U2SURP: variants seen among roughly 807,000 people sequenced by gnomAD.
The protein encoded by U2SURP is U2 snRNP associated SURP domain containing.
In U2SURP, 9 loss-of-function variants were observed where a neutral mutation model predicts 144.9. The ratio of observed to expected loss-of-function variants is 0.06; its 90% CI spans 0.04 to 0.11. The LOEUF (loss-of-function observed/expected upper bound fraction) is 0.11. U2SURP is among the 10% of genes least tolerant of loss of function. The pLI is 1.00. For synonymous variants in U2SURP, 408 were observed against 396.8 expected (o/e 1.03, Z -0.33); for missense variants, 724 against 1,226.7 (o/e 0.59, Z 6.12).
chr3:143,045,221 T>C (rs1389006292), intron 24 of U2SURP, among the ~76,000 whole-genome samples: 2 of 151,932 alleles, frequency 1.3e-5, no homozygotes, highest in Non-Finnish European at 2.9e-5. Flanking sequence ...ATACAAAAAT[T>C]AGCCGGGCAT....
At chr3:143,033,126 G>T (rs1933598535) in intron 17 of U2SURP, 145 bp from the exon 18 acceptor site, 1 of 839,866 alleles carries the variant, frequency 1.2e-6, no homozygotes, top group Non-Finnish European at 1.8e-6. Context: ...AAATGTAAAT[G>T]GGTTAACAAA....
intron 1 of U2SURP, among the ~76,000 whole-genome samples, chr3:143,001,983 T>C (rs1935555989): frequency 6.6e-6 from 1 of 152,236 alleles, no homozygotes; most frequent in Non-Finnish European, 1.5e-5. Flanking sequence ...CTCTCCTGTA[T>C]CTCAGCTTCC....
rs1219291584 is a variant in U2SURP, at chr3:143,012,311, C to T, written c.180C>T (p.Ala60=). 6.2e-7 allele frequency: 1 copy of T among 1,612,688 alleles called. No individual in the cohort carries two copies. Among genetic ancestry groups the T allele is most frequent in the Non-Finnish European group, 8.5e-7 (1 of 1,179,274 alleles). ...PRKHNYRNES[A]RESLCDSPHQ... ...AACATAATTATAGGAATGAAAGTGC[C>T]CGTGAAAGCCTTTGTGATTCTCCTC... Residue 60 remains alanine (A), a synonymous_variant, in exon 3 of 28, where the codon GCC becomes GCT. Coordinates refer to ENST00000473835, the MANE Select transcript of U2SURP (RefSeq NM_001080415.2).
intron 16 of U2SURP, among the ~76,000 whole-genome samples, chr3:143,031,817 A>C (rs1031352719): frequency 6.6e-6 from 1 of 152,196 alleles, no homozygotes; most frequent in Non-Finnish European, 1.5e-5. Context: ...TTCATTGCCT[A>C]TGAGAGCATT....
intron 16 of U2SURP, among the ~76,000 whole-genome samples, chr3:143,031,907 C>T (rs1021590670): frequency 1.3e-5 from 2 of 152,128 alleles, no homozygotes; most frequent in Non-Finnish European, 2.9e-5. Context: ...CTAGGATCTG[C>T]AAACTCAGCT....
intron 24 of U2SURP, among the ~76,000 whole-genome samples, chr3:143,046,988 G>C (rs1217349126): frequency 3.0e-5 from 4 of 132,452 alleles, no homozygotes; most frequent in South Asian, 2.5e-4. Context: ...GCGGCTGGCC[G>C]GGCGGGGGGC....
chr3:143,022,789 C>T, intron 11 of U2SURP, 64 bp from the exon 12 acceptor site: 4 of 1,463,432 alleles, frequency 2.7e-6, no homozygotes, highest in Middle Eastern at 2.0e-4. Flanking sequence ...TTCAACTCAC[C>T]AGAAAAATTT....
intron 1 of U2SURP, 136 bp downstream of exon 1, chr3:143,001,809 C>A: frequency 8.8e-7 from 1 of 1,142,258 alleles, no homozygotes; most frequent in Non-Finnish European, 1.3e-6. Context: ...GGCGCCGCCG[C>A]ACCGTTGTGC....
chr3:143,013,350 T>C (rs956921139), intron 3 of U2SURP, among the ~76,000 whole-genome samples: 9 of 152,104 alleles, frequency 5.9e-5, no homozygotes, highest in Admixed American at 6.5e-5. Flanking sequence ...TGAAACCCAA[T>C]ATTGACTTTT....
Position 143,057,398 on chromosome 3 carries a change from G to GAC in U2SURP, c.*948_*949insAC, listed in dbSNP as rs1485061767. On this transcript the variant is annotated 3_prime_UTR_variant, in exon 28 of 28. Transcript: ENST00000473835. The stretch of plus-strand genomic sequence containing the variant: ...AGTTTGTGTTTAAACAGCTTAGTTG[G>GAC]TCCCCCCCCACTCCCAAGAGACTTG... 1.3e-5 allele frequency: 1 copy of GAC among 78,330 alleles called. No homozygotes were observed. Among genetic ancestry groups the GAC allele is most frequent in the Non-Finnish European group, 2.5e-5 (1 of 39,962 alleles). 4.9% of individuals were successfully genotyped at this position (78,330 alleles called of 1,614,324 possible). A position where few individuals can be genotyped will look rare whatever the true frequency, so the allele number is the denominator to read the frequency against.
At chr3:143,002,897 T>C (rs988589592) in intron 1 of U2SURP, among the ~76,000 whole-genome samples, 3 of 152,108 alleles carry the variant, frequency 2.0e-5, no homozygotes, top group Admixed American at 1.3e-4. Flanking sequence ...CAGTTTTTTT[T>C]CCCCCTCCTC....
chr3:143,017,845 A>C (rs1936446853), intron 6 of U2SURP, among the ~76,000 whole-genome samples: 1 of 151,434 alleles, frequency 6.6e-6, no homozygotes, highest in East Asian at 2.0e-4. Context: ...GCTGGTCTCA[A>C]ACTCCTGGAC....
At chr3:143,039,095 C>A in intron 23 of U2SURP, 135 bp downstream of exon 23, 1 of 529,302 alleles carries the variant, frequency 1.9e-6, no homozygotes, top group African/African-American at 2.0e-5. Flanking sequence ...ATTTTTAGTT[C>A]TCCATTGGTT....
At chr3:143,019,945 TA>T (rs1481216044) in intron 6 of U2SURP, 23 bp from the exon 7 acceptor site, 1 of 1,390,680 alleles carries the variant, frequency 7.2e-7, no homozygotes, top group Non-Finnish European at 9.6e-7. Flanking sequence ...TTGTTTGAAG[TA>T]TAACTTGTCA....
intron 17 of U2SURP, 76 bp downstream of exon 17, chr3:143,033,022 A>T: frequency 1.6e-5 from 24 of 1,497,272 alleles, no homozygotes; most frequent in Non-Finnish European, 2.1e-5. Flanking sequence ...TTTTTGCACA[A>T]AGCACTTGAC....
intron 8 of U2SURP, 43 bp from the exon 9 acceptor site, chr3:143,021,307 G>T: frequency 6.4e-7 from 1 of 1,556,204 alleles, no homozygotes. Flanking sequence ...GGGGACTACT[G>T]TATTATAAAA....
Position 143,021,254 on chromosome 3 carries a change from A to G in U2SURP, c.734-96A>G. The G allele has an allele frequency of 3.8e-6, 5 of 1,328,568 alleles. No individual in the cohort carries two copies. In the South Asian group the frequency reaches 6.5e-5, roughly 17 times the overall value. The allele number at this position is 1,328,568 out of a possible 1,614,324, so 82.3% of individuals were successfully genotyped here. ...GTCTCTCTTTTTGTCTCTCAGAAAT[A>G]CCTTACTGTAACAAACTGGGGGAAA... On this transcript the variant is annotated intron_variant, in intron 8 of 27. Coordinates refer to ENST00000473835, the MANE Select transcript of U2SURP (RefSeq NM_001080415.2).
chr3:143,053,238 G>T (rs543111527), intron 25 of U2SURP, among the ~76,000 whole-genome samples: 1 of 152,180 alleles, frequency 6.6e-6, no homozygotes, highest in African/African-American at 2.4e-5. Flanking sequence ...TCGGCAGGTG[G>T]GACAGTGGGG....
chr3:143,038,234 A>C, intron 22 of U2SURP, 31 bp downstream of exon 22: 1 of 1,482,418 alleles, frequency 6.7e-7, no homozygotes, highest in Non-Finnish European at 9.1e-7. Flanking sequence ...TATTTTTTAA[A>C]TTAAGTACTT....
Sources: gnomAD v4.1 joint callset for allele counts (sites outside exome capture counted in the v4.1 genomes callset) on GRCh38, gnomAD v4.1.1 for gene constraint, MANE v1.5 for transcripts, NCBI Gene and HGNC (gene_info 2026-07-23, HGNC 2026-07-21) for gene names.